Variants in CFAP20 observed in about 807,000 individuals in gnomAD.
CFAP20 encodes the protein cilia- and flagella-associated protein 20.
A neutral mutation model predicts 25.5 loss-of-function variants in CFAP20; 14 were observed. The observed-to-expected ratio is 0.55, with a 90% CI of 0.36 to 0.86. The LOEUF is 0.86. Among genes scored for constraint, CFAP20 ranks in the 40% least tolerant of loss-of-function variants. The pLI is 0.01. For missense variants in CFAP20, 181 were observed against 248.0 expected, an observed-to-expected ratio of 0.73 and a Z score of 1.81; for synonymous variants, 75 against 91.1, an observed-to-expected ratio of 0.82 and a Z score of 1.01.
Position 58,114,039 on chromosome 16 carries a change from A to T in CFAP20, c.577-9T>A. On this transcript the variant is annotated splice_polypyrimidine_tract_variant and intron_variant, in intron 5 of 5. Coordinates refer to ENST00000262498, the MANE Select transcript of CFAP20 (RefSeq NM_013242.3). ...CACAATTCCAGTTATTGCTGAAGGG[A>T]AAAAACAGAGAAGTGGCATCAGTTT... 2 of 1,613,446 alleles carry T rather than the reference A, an allele frequency of 1.2e-6. No individual in the cohort carries two copies. The highest frequency in any genetic ancestry group is 1.7e-6 in the Non-Finnish European group (2 of 1,179,364).
chr16:58,114,467 A>T (rs949774773), intron 5 of CFAP20, among the ~76,000 whole-genome samples: 40 of 151,536 alleles, frequency 2.6e-4, no homozygotes, highest in Middle Eastern at 3.2e-3. Flanking sequence ...CAGAGGTTGC[A>T]GTGAGCTGAG....
intron 4 of CFAP20, 134 bp downstream of exon 4, chr16:58,115,135 G>C: frequency 7.7e-7 from 1 of 1,306,842 alleles, no homozygotes; most frequent in Non-Finnish European, 1.1e-6. Context: ...ACCTTTGTGA[G>C]GCCAAAGCTC....
In CFAP20 at chr16:58,118,771, G is replaced by A. The variant is rs142719466; in HGVS notation, c.85-1820C>T. Among the ~76,000 whole-genome samples, 1,025 of 152,222 alleles carry A rather than the reference G, an allele frequency of 6.7e-3. 23 individuals are homozygous for A. The East Asian group carries it at 0.097, about 14-fold the overall frequency. ...TGGGAGGTCGAGGCTGCAGTGAGCC[G>A]TGATTGTGCCACTGTACTCAAGCCT... On this transcript the variant is annotated intron_variant, in intron 1 of 5. Coordinates refer to ENST00000262498, the MANE Select transcript of CFAP20 (RefSeq NM_013242.3).
Position 58,129,220 on chromosome 16 carries a change from G to T in CFAP20, c.-105C>A. ...CACAGCAGCAGGCCGGCCCTGTTCC[G>T]AAGAAGGGTGGTTGAGCTCCTGGCC... On this transcript the variant is annotated 5_prime_UTR_variant, in exon 1 of 6. Transcript: ENST00000262498. The T allele has an allele frequency of 8.5e-7, 1 of 1,179,892 alleles. No individual in the cohort carries two copies. Among genetic ancestry groups the T allele is most frequent in the Non-Finnish European group, 1.2e-6 (1 of 829,100 alleles). The allele number at this position is 1,179,892 out of a possible 1,614,324, so 73.1% of individuals were successfully genotyped here.
At chr16:58,125,079 T>C (rs969837569) in intron 1 of CFAP20, among the ~76,000 whole-genome samples, 2 of 152,260 alleles carry the variant, frequency 1.3e-5, no homozygotes, top group African/African-American at 2.4e-5. Context: ...AAAAATATTT[T>C]CTTTCTATAT....
In CFAP20 at chr16:58,129,205, G is replaced by T; in HGVS notation, c.-90C>A. 1 of 1,404,008 alleles carries T rather than the reference G, an allele frequency of 7.1e-7. No homozygotes were observed. The allele number at this position is 1,404,008 out of a possible 1,614,324, so 87.0% of individuals were successfully genotyped here. A position where few individuals can be genotyped will look rare whatever the true frequency, so the allele number is the denominator to read the frequency against. On this transcript the variant is annotated 5_prime_UTR_variant, in exon 1 of 6. It adds an upstream start codon to the 5' untranslated region. Transcript: ENST00000262498. ...ACCGAGCGTCGAGGGCACAGCAGCA[G>T]GCCGGCCCTGTTCCGAAGAAGGGTG...
rs1224312832 is a variant in CFAP20 at position 58,113,884 on chromosome 16, T to C, written c.*141A>G. ...GTTACGGCATGTTCACCGGTGTCCA[T>C]GACAAGCAACACCAAGTATAAATAA... On this transcript the variant is annotated 3_prime_UTR_variant, in exon 6 of 6. Coordinates refer to ENST00000262498, the MANE Select transcript of CFAP20 (RefSeq NM_013242.3). 6 of 1,004,930 alleles carry C rather than the reference T, an allele frequency of 6.0e-6. No individual in the cohort carries two copies. Among genetic ancestry groups the C allele is most frequent in the East Asian group, 4.9e-5 (2 of 40,566 alleles). The allele number at this position is 1,004,930 out of a possible 1,614,324, so 62.3% of individuals were successfully genotyped here.
At chr16:58,125,212 A>G (rs1960596591) in intron 1 of CFAP20, among the ~76,000 whole-genome samples, 2 of 152,318 alleles carry the variant, frequency 1.3e-5, no homozygotes, top group South Asian at 4.1e-4. Context: ...ATTAACATCA[A>G]TCACAGTCTC....
chr16:58,121,333 G>A (rs1960531832), intron 1 of CFAP20, among the ~76,000 whole-genome samples: 2 of 152,172 alleles, frequency 1.3e-5, no homozygotes. Flanking sequence ...GGCAGGCGTG[G>A]CTTTGGGATG....
chr16:58,127,981 A>C lies in CFAP20; in HGVS notation c.84+1051T>G, dbSNP rs149341776. Among the ~76,000 whole-genome samples, 26 of 152,304 alleles carry C rather than the reference A, an allele frequency of 1.7e-4. No homozygotes were observed. The East Asian group carries it at 4.4e-3, about 26-fold the overall frequency. On this transcript the variant is annotated intron_variant, in intron 1 of 5. Transcript: ENST00000262498. ...GCTTCATTACCAATAAATCCTACTGAGATTATTCCACATGCATCTCTCTAA... is the reference window on the plus strand; with the variant it reads ...GCTTCATTACCAATAAATCCTACTGCGATTATTCCACATGCATCTCTCTAA...
Position 58,113,821 on chromosome 16 carries a change from A to C in CFAP20, c.*204T>G. 1.7e-6 allele frequency: 1 copy of C among 605,630 alleles called. No homozygotes were observed. 37.5% of individuals were successfully genotyped at this position (605,630 alleles called of 1,614,324 possible). On this transcript the variant is annotated 3_prime_UTR_variant, in exon 6 of 6. Transcript: ENST00000262498. ...CCAGCGTTCATGCGCCACTCACAGG[A>C]CTGCTTACCCCCACTGCACTTACAA...
At chr16:58,125,135 A>T (rs1317730802) in intron 1 of CFAP20, among the ~76,000 whole-genome samples, 2 of 152,196 alleles carry the variant, frequency 1.3e-5, no homozygotes, top group East Asian at 1.9e-4. Flanking sequence ...TTAACTTTTT[A>T]AACTTTTTTG....
At chr16:58,121,919 C>T (rs1960539632) in intron 1 of CFAP20, among the ~76,000 whole-genome samples, 1 of 152,222 alleles carries the variant, frequency 6.6e-6, no homozygotes. Flanking sequence ...TTTCATTTTT[C>T]TGGCCCCACC....
intron 1 of CFAP20, among the ~76,000 whole-genome samples, chr16:58,127,789 T>C (rs1457844043): frequency 2.6e-5 from 4 of 152,206 alleles, no homozygotes; most frequent in Admixed American, 2.6e-4. Context: ...AGTAACACTA[T>C]GGACACACCA....
chr16:58,123,959 C>CCT (rs1567448668), intron 1 of CFAP20, among the ~76,000 whole-genome samples: 1 of 152,012 alleles, frequency 6.6e-6, no homozygotes, highest in East Asian at 1.9e-4. Context: ...GGCCTTTGAA[C>CCT]TGTGACTGGA....
chr16:58,127,551 T>G (rs1404935012), intron 1 of CFAP20, among the ~76,000 whole-genome samples: 2 of 152,214 alleles, frequency 1.3e-5, no homozygotes, highest in Non-Finnish European at 2.9e-5. Flanking sequence ...CACCCTGGGC[T>G]CTCTTTGTAC....
intron 1 of CFAP20, among the ~76,000 whole-genome samples, chr16:58,123,462 G>A (rs1960564410): frequency 6.7e-6 from 1 of 149,310 alleles, no homozygotes; most frequent in Non-Finnish European, 1.5e-5. Context: ...TGGGCGTGGT[G>A]GCGGGCGCCT....
chr16:58,116,815 T>C, intron 2 of CFAP20, 57 bp downstream of exon 2: 1 of 1,501,086 alleles, frequency 6.7e-7, no homozygotes, highest in Non-Finnish European at 9.3e-7. Flanking sequence ...TTAACCTCTA[T>C]GACGTACTGC....
At chr16:58,122,357 G>T (rs1039178288) in intron 1 of CFAP20, among the ~76,000 whole-genome samples, 1 of 152,160 alleles carries the variant, frequency 6.6e-6, no homozygotes, top group Admixed American at 6.5e-5. Context: ...GAGGTGGGAG[G>T]ATCACCTGAG....
Sources: gnomAD v4.1 joint callset for allele counts (sites outside exome capture counted in the v4.1 genomes callset) on GRCh38, gnomAD v4.1.1 for gene constraint, MANE v1.5 for transcripts, NCBI Gene and HGNC (gene_info 2026-07-23, HGNC 2026-07-21) for gene names.